The following LRRC4C variants were observed in gnomAD, a reference collection of about 807,000 sequenced individuals.
LRRC4C encodes leucine-rich repeat-containing protein 4C.
In LRRC4C, 5 loss-of-function variants were observed where a neutral mutation model predicts 33.6. The ratio of observed to expected loss-of-function variants is 0.15; its 90% CI spans 0.08 to 0.31. The LOEUF (loss-of-function observed/expected upper bound fraction) is 0.31, where lower values mean the gene tolerates loss of function less well. LRRC4C is among the 10% of genes least tolerant of loss of function. The pLI is 1.00. For synonymous variants in LRRC4C, 329 were observed against 302.0 expected (o/e 1.09, Z -0.93); for missense variants, 560 against 796.7 (o/e 0.70, Z 3.58).
intron 2 of LRRC4C, among the ~76,000 whole-genome samples, chr11:40,840,595 A>G (rs1952867960): frequency 6.6e-6 from 1 of 152,216 alleles, no homozygotes; most frequent in Non-Finnish European, 1.5e-5. Flanking sequence ...TCCGTTTACC[A>G]TCTGGTGATA....
intron 2 of LRRC4C, among the ~76,000 whole-genome samples, chr11:40,899,677 TG>T (rs1160516525): frequency 6.6e-6 from 1 of 152,162 alleles, no homozygotes; most frequent in Non-Finnish European, 1.5e-5. Context: ...GCATGGTGAT[TG>T]CACACATAGC....
rs5791407 is a variant in LRRC4C at position 40,896,540 on chromosome 11, AT to A, written c.-407+37094del. ...AAATTTGGGTCTGTACAATTAGAAT[AT>A]TTTTTTTTTTAGATTTTATTTTAAA... On this transcript the variant is annotated intron_variant, in intron 2 of 6. Transcript: ENST00000528697. Among the ~76,000 whole-genome samples the A allele has an allele frequency of 2.7e-4, 40 of 149,022 alleles. 1 individual carries two copies. Among genetic ancestry groups the A allele is most frequent in the African/African-American group, 6.9e-4 (28 of 40,652 alleles).
intron 1 of LRRC4C, among the ~76,000 whole-genome samples, chr11:41,025,979 T>C (rs1350398738): frequency 6.6e-6 from 1 of 151,712 alleles, no homozygotes; most frequent in African/African-American, 2.4e-5. Context: ...ATTGACAATG[T>C]CCCTGGTCAC....
intron 1 of LRRC4C, among the ~76,000 whole-genome samples, chr11:41,447,177 A>T (rs975822650): frequency 6.6e-6 from 1 of 152,134 alleles, no homozygotes. Context: ...AGCTCTAACA[A>T]TTATTAGCTG....
chr11:40,965,031 T>A (rs1851244301), intron 1 of LRRC4C, among the ~76,000 whole-genome samples: 1 of 152,184 alleles, frequency 6.6e-6, no homozygotes, highest in East Asian at 1.9e-4. Flanking sequence ...CTCCAGCACC[T>A]GTTGTTTCCT....
At chr11:40,885,679 C>A (rs923010665) in intron 2 of LRRC4C, among the ~76,000 whole-genome samples, 1 of 151,954 alleles carries the variant, frequency 6.6e-6, no homozygotes, top group South Asian at 2.1e-4. Flanking sequence ...ATCAAAAATG[C>A]TGTAAGGTAG....
At position 40,311,827 on chromosome 11, in the gene LRRC4C, C is replaced by A. The variant is rs564688629; in HGVS notation, c.-176+7801G>T. On this transcript the variant is annotated intron_variant, in intron 4 of 6. Transcript: ENST00000528697. The stretch of plus-strand genomic sequence containing the variant: ...GGGTGTGGTAGCATGTGCCTGTAGT[C>A]CCAGCTACTTGGGAGGCTGAGGCAG... 2.0e-5 allele frequency among the ~76,000 whole-genome samples: 3 copies of A among 151,906 alleles called. No individual in the cohort carries two copies. In the South Asian group the frequency reaches 6.3e-4, roughly 32 times the overall value.
intron 2 of LRRC4C, among the ~76,000 whole-genome samples, chr11:40,819,075 G>A (rs1951818353): frequency 6.6e-6 from 1 of 152,056 alleles, no homozygotes; most frequent in Admixed American, 6.6e-5. Flanking sequence ...TGAAAGGAAG[G>A]AGGTATCCAA....
chr11:40,261,526 C>T (rs1336164339), intron 4 of LRRC4C, among the ~76,000 whole-genome samples: 1 of 152,014 alleles, frequency 6.6e-6, no homozygotes, highest in African/African-American at 2.4e-5. Context: ...TTCATCTTGC[C>T]TAACCAACAT....
At chr11:40,209,126 C>T (rs1332046505) in intron 5 of LRRC4C, among the ~76,000 whole-genome samples, 1 of 152,130 alleles carries the variant, frequency 6.6e-6, no homozygotes, top group African/African-American at 2.4e-5. Context: ...TTAAGGGATT[C>T]ACACACTAGT....
At chr11:41,287,408 T>C (rs1038179953) in intron 1 of LRRC4C, among the ~76,000 whole-genome samples, 11 of 152,116 alleles carry the variant, frequency 7.2e-5, no homozygotes, top group African/African-American at 2.7e-4. Context: ...AAGTATTAGG[T>C]TGGTGCAAAA....
Position 40,842,962 on chromosome 11 carries a change from G to T in LRRC4C, c.-407+90673C>A, listed in dbSNP as rs373288792. On this transcript the variant is annotated intron_variant, in intron 2 of 6. Coordinates refer to ENST00000528697, the MANE Select transcript of LRRC4C (RefSeq NM_001258419.2). ...AGCAGGGTATAATACAGCACTGTGAGCACAGAACGAAACCTGTGTTTTCAT... is the reference window on the plus strand; with the variant it reads ...AGCAGGGTATAATACAGCACTGTGATCACAGAACGAAACCTGTGTTTTCAT... Among the ~76,000 whole-genome samples the T allele has an allele frequency of 2.4e-4, 37 of 152,262 alleles. No individual in the cohort carries two copies. The East Asian group carries it at 4.8e-3, about 20-fold the overall frequency.
intron 1 of LRRC4C, among the ~76,000 whole-genome samples, chr11:41,112,209 T>C (rs1413898442): frequency 6.6e-6 from 1 of 151,984 alleles, no homozygotes; most frequent in African/African-American, 2.4e-5. Flanking sequence ...CACCCCTACA[T>C]CCAATGAGGT....
At chr11:40,568,071 A>G (rs1276069780) in intron 3 of LRRC4C, among the ~76,000 whole-genome samples, 1 of 152,178 alleles carries the variant, frequency 6.6e-6, no homozygotes, top group Non-Finnish European at 1.5e-5. Flanking sequence ...TGTGGGCTGG[A>G]CCTCAGGACA....
intron 1 of LRRC4C, among the ~76,000 whole-genome samples, chr11:41,150,009 T>A (rs1223124328): frequency 6.6e-6 from 1 of 152,078 alleles, no homozygotes; most frequent in Non-Finnish European, 1.5e-5. Flanking sequence ...AAGTCAGGAG[T>A]TGAATATTTC....
chr11:40,396,073 G>T (rs1949527135), intron 3 of LRRC4C, among the ~76,000 whole-genome samples: 1 of 152,052 alleles, frequency 6.6e-6, no homozygotes, highest in African/African-American at 2.4e-5. Flanking sequence ...CCAGGGATGT[G>T]GATGCAATGC....
intron 1 of LRRC4C, among the ~76,000 whole-genome samples, chr11:41,422,467 T>C (rs537814368): frequency 6.6e-6 from 1 of 152,118 alleles, no homozygotes; most frequent in Admixed American, 6.6e-5. Context: ...AGATAATACT[T>C]GGAATTACTG....
chr11:41,408,477 T>C (rs895050330), intron 1 of LRRC4C, among the ~76,000 whole-genome samples: 9 of 152,088 alleles, frequency 5.9e-5, no homozygotes, highest in Non-Finnish European at 1.3e-4. Context: ...TTGGATCAAG[T>C]GATTGGTTAT....
intron 1 of LRRC4C, among the ~76,000 whole-genome samples, chr11:41,170,528 G>T (rs941877546): frequency 2.0e-5 from 3 of 152,134 alleles, no homozygotes; most frequent in Admixed American, 6.5e-5. Flanking sequence ...TTAATAAATG[G>T]TGTTGAGAAA....
Sources: allele counts gnomAD v4.1 joint callset (sites outside exome capture counted in the v4.1 genomes callset), GRCh38; gene constraint gnomAD v4.1.1; transcripts MANE v1.5; gene names NCBI Gene and HGNC (gene_info 2026-07-23, HGNC 2026-07-21).